The following PLN variants were observed in gnomAD, a reference collection of about 807,000 sequenced individuals.
PLN encodes cardiac phospholamban.
PLN carries 1 observed loss-of-function variant against 3.9 expected under a neutral mutation model. That is an observed-to-expected ratio of 0.26 (90% CI 0.09 to 1.23). The LOEUF (loss-of-function observed/expected upper bound fraction) is 1.23, where lower values mean the gene tolerates loss of function less well. PLN is among the 50% of genes most tolerant of loss of function. The pLI is 0.48. For missense variants in PLN, 59 were observed against 62.7 expected (o/e 0.94, Z 0.20); for synonymous variants, 21 against 20.5 (o/e 1.02, Z -0.07).
chr6:118,553,790 A>G (rs1205989773), intron 1 of PLN, among the ~76,000 whole-genome samples: 1 of 152,110 alleles, frequency 6.6e-6, no homozygotes, highest in Non-Finnish European at 1.5e-5. Flanking sequence ...ATATCTCTGT[A>G]TTTCACAAAT....
intron 1 of PLN, among the ~76,000 whole-genome samples, chr6:118,552,627 C>CA (rs1346479165): frequency 2.8e-4 from 40 of 144,366 alleles, no homozygotes; most frequent in South Asian, 1.5e-3. Context: ...TCTTCCACCT[C>CA]AAAAAAAAAA....
At chr6:118,557,328 C>A (rs945465199) in intron 1 of PLN, among the ~76,000 whole-genome samples, 1 of 152,148 alleles carries the variant, frequency 6.6e-6, no homozygotes, top group African/African-American at 2.4e-5. Context: ...ATTACATCTA[C>A]AGAGTAACAG....
intron 1 of PLN, among the ~76,000 whole-genome samples, chr6:118,554,323 T>C (rs1408747702): frequency 6.6e-5 from 10 of 152,050 alleles, no homozygotes; most frequent in Admixed American, 6.6e-4. Flanking sequence ...AATTAATTAA[T>C]TAAAAATGAG....
rs2114979500 is a variant in PLN, at chr6:118,561,269, G to T, written c.*2189G>T. On this transcript the variant is annotated 3_prime_UTR_variant, in exon 2 of 2. Transcript: ENST00000357525. Reference sequence around the variant, plus strand: ...TTTTAGTAAATTACCAATACAGAAAGTATCCCTAGTCTTAAAAACAAGTGG... The same window carrying T: ...TTTTAGTAAATTACCAATACAGAAATTATCCCTAGTCTTAAAAACAAGTGG... Among the ~76,000 whole-genome samples the T allele has an allele frequency of 6.6e-6, 1 of 152,210 alleles. No individual in the cohort carries two copies. The highest frequency in any genetic ancestry group is 1.9e-4 in the East Asian group (1 of 5,190).
In PLN at chr6:118,561,510, T is replaced by C. The variant is rs191515264; in HGVS notation, c.*2430T>C. Among the ~76,000 whole-genome samples the C allele has an allele frequency of 6.6e-6, 1 of 152,228 alleles. No homozygotes were observed. The highest frequency in any genetic ancestry group is 6.5e-5 in the Admixed American group (1 of 15,292). On this transcript the variant is annotated 3_prime_UTR_variant, in exon 2 of 2. Transcript: ENST00000357525. ...ATCATAAAGTGTAAAGAATAAGATA[T>C]AAGAAAACAATTTATTTTTAAAATT...
At chr6:118,549,427 G>T (rs1778405390) in intron 1 of PLN, among the ~76,000 whole-genome samples, 1 of 150,740 alleles carries the variant, frequency 6.6e-6, no homozygotes, top group South Asian at 2.1e-4. Flanking sequence ...TCTCTGTCAG[G>T]GCATACAGAA....
Position 118,559,198 on chromosome 6 carries a change from T to C in PLN, c.*118T>C. On this transcript the variant is annotated 3_prime_UTR_variant, in exon 2 of 2. Transcript: ENST00000357525. ...CACTTCCTGAGTAGAAGAGTTTCTT[T>C]GTGAAAAGGTCAAGATTAAGACTAA... 1 of 819,174 alleles carries C rather than the reference T, an allele frequency of 1.2e-6. No homozygotes were observed. The highest frequency in any genetic ancestry group is 1.4e-5 in the South Asian group (1 of 73,918). 50.7% of individuals were successfully genotyped at this position (819,174 alleles called of 1,614,324 possible). A position where few individuals can be genotyped will look rare whatever the true frequency, so the allele number is the denominator to read the frequency against.
chr6:118,558,235 G>A (rs1224975288), intron 1 of PLN, among the ~76,000 whole-genome samples: 1 of 152,186 alleles, frequency 6.6e-6, no homozygotes. Context: ...ACAGGCATGA[G>A]CCACTGCACC....
At position 118,559,180 on chromosome 6, in the gene PLN, T is replaced by C. The variant is rs1296523798; in HGVS notation, c.*100T>C. 2.3e-6 allele frequency: 2 copies of C among 878,044 alleles called. No homozygotes were observed. The highest frequency in any genetic ancestry group is 3.9e-6 in the Non-Finnish European group (2 of 508,562). The allele number at this position is 878,044 out of a possible 1,614,324, so 54.4% of individuals were successfully genotyped here. On this transcript the variant is annotated 3_prime_UTR_variant, in exon 2 of 2. Transcript: ENST00000357525. ...CAATATTGTATAACAGACCACTTCC[T>C]GAGTAGAAGAGTTTCTTTGTGAAAA...
rs142301036 is a variant in PLN, at chr6:118,559,989, T to C, written c.*909T>C. 1.4e-4 allele frequency: 24 copies of C among 167,196 alleles called. No individual in the cohort carries two copies. Among genetic ancestry groups the C allele is most frequent in the African/African-American group, 5.1e-4 (21 of 41,580 alleles). The allele number at this position is 167,196 out of a possible 1,614,324, so 10.4% of individuals were successfully genotyped here. On this transcript the variant is annotated 3_prime_UTR_variant, in exon 2 of 2. Transcript: ENST00000357525. ...ATGAAACCTTAAGACTTCAGAATGA[T>C]TTTGCAGGTTGTCTTCCATTCCAGC...
chr6:118,548,900 G>A (rs577182468), intron 1 of PLN, among the ~76,000 whole-genome samples: 1 of 152,066 alleles, frequency 6.6e-6, no homozygotes, highest in African/African-American at 2.4e-5. Flanking sequence ...ATTTCATACA[G>A]TGAATAATGA....
intron 1 of PLN, among the ~76,000 whole-genome samples, chr6:118,554,338 G>A (rs55968023): frequency 0.017 from 2,591 of 151,944 alleles, 69 homozygotes; most frequent in African/African-American, 0.059. Context: ...AATGAGATGG[G>A]GTCTCATTAT....
At chr6:118,558,630 C>G (rs1488519178) in intron 1 of PLN, among the ~76,000 whole-genome samples, 195 bp from the exon 2 acceptor site, 1 of 57,110 alleles carries the variant, frequency 1.8e-5, no homozygotes. Context: ...TGCACATACA[C>G]ACACACACAC....
At chr6:118,551,570 G>T (rs949255182) in intron 1 of PLN, among the ~76,000 whole-genome samples, 2 of 151,930 alleles carry the variant, frequency 1.3e-5, no homozygotes, top group Non-Finnish European at 2.9e-5. Flanking sequence ...AGACAATATA[G>T]CAACAGCAAT....
chr6:118,556,245 T>G lies in PLN; in HGVS notation c.-97-2580T>G, dbSNP rs1305280804. 2.6e-5 allele frequency among the ~76,000 whole-genome samples: 4 copies of G among 152,174 alleles called. No homozygotes were observed. In the East Asian group the frequency reaches 7.7e-4, roughly 29 times the overall value. On this transcript the variant is annotated intron_variant, in intron 1 of 1. Transcript: ENST00000357525. ...CTAAGTAGAAGTGTTATAGACAACC[T>G]AAATAACAGCCTTTAGCCACCTGTT...
intron 1 of PLN, among the ~76,000 whole-genome samples, chr6:118,551,627 T>G (rs1040551389): frequency 6.6e-6 from 1 of 152,058 alleles, no homozygotes; most frequent in Non-Finnish European, 1.5e-5. Context: ...TGTGCTGTTG[T>G]TTAATGAATT....
Position 118,558,994 on chromosome 6 carries a change from C to A in PLN, c.73C>A (p.Arg25Ser). Residue 25 changes from arginine to serine, a missense_variant, in exon 2 of 2, where the codon CGT becomes AGT. Coordinates refer to ENST00000357525, the MANE Select transcript of PLN (RefSeq NM_002667.5). ...AACCATTGAAATGCCTCAACAAGCA[C>A]GTCAAAAGCTACAGAATCTATTTAT... ...ASTIEMPQQA[R>S]QKLQNLFINF... is the part of the protein sequence containing the mutation. 1.2e-6 allele frequency: 2 copies of A among 1,610,026 alleles called. No individual in the cohort carries two copies. The highest frequency in any genetic ancestry group is 1.7e-6 in the Non-Finnish European group (2 of 1,176,226).
At chr6:118,557,178 CTA>C (rs971812721) in intron 1 of PLN, among the ~76,000 whole-genome samples, 4 of 152,124 alleles carry the variant, frequency 2.6e-5, no homozygotes, top group Admixed American at 1.3e-4. Context: ...CAATTTGAAT[CTA>C]TATTTTTGGT....
In PLN at chr6:118,549,520, T is replaced by A. The variant is rs561619116; in HGVS notation, c.-98+1128T>A. 7.9e-5 allele frequency among the ~76,000 whole-genome samples: 12 copies of A among 151,978 alleles called. No individual in the cohort carries two copies. The South Asian group carries it at 2.5e-3, about 31-fold the overall frequency. ...ATTTATCTCTAAAATTCTCAATTCC[T>A]ATGACAAATGTTAATTCTATTGCTC... On this transcript the variant is annotated intron_variant, in intron 1 of 1. Coordinates refer to ENST00000357525, the MANE Select transcript of PLN (RefSeq NM_002667.5).
Sources: gnomAD v4.1 joint callset for allele counts (sites outside exome capture counted in the v4.1 genomes callset) on GRCh38, gnomAD v4.1.1 for gene constraint, MANE v1.5 for transcripts, NCBI Gene and HGNC (gene_info 2026-07-23, HGNC 2026-07-21) for gene names.